Variants in SPAST observed in about 807,000 individuals in gnomAD.
The protein encoded by SPAST is spastin.
SPAST carries 30 observed loss-of-function variants against 76.6 expected under a neutral mutation model. The ratio of observed to expected loss-of-function variants is 0.39; its 90% CI spans 0.29 to 0.53. The LOEUF (loss-of-function observed/expected upper bound fraction) is 0.53, where lower values mean the gene tolerates loss of function less well. SPAST is among the 20% of genes least tolerant of loss of function. SPAST has a pLI of 0.68. For synonymous variants in SPAST, 305 were observed against 281.0 expected (o/e 1.09, Z -0.86); for missense variants, 717 against 770.5 (o/e 0.93, Z 0.82).
At chr2:32,085,513 C>T (rs1204943151) in intron 1 of SPAST, among the ~76,000 whole-genome samples, 7 of 152,070 alleles carry the variant, frequency 4.6e-5, no homozygotes, top group African/African-American at 9.7e-5. Flanking sequence ...AAACTGTGCC[C>T]AGTCTTCATA....
chr2:32,080,780 G>GTTTT (rs1336946468), intron 1 of SPAST, among the ~76,000 whole-genome samples: 1 of 94,114 alleles, frequency 1.1e-5, no homozygotes, highest in African/African-American at 4.0e-5. Context: ...GTCTGGCTCA[G>GTTTT]TTCTTTTTTT....
chr2:32,129,611 C>G (rs1679305549), intron 9 of SPAST: 1 of 152,158 alleles, frequency 6.6e-6, no homozygotes, highest in South Asian at 2.1e-4. Flanking sequence ...TCTGTCAAAC[C>G]TTACACTGCT....
chr2:32,110,379 A>C (rs925859797), intron 4 of SPAST, among the ~76,000 whole-genome samples: 1 of 149,078 alleles, frequency 6.7e-6, no homozygotes, highest in African/African-American at 2.5e-5. Flanking sequence ...CGGCCTCCCA[A>C]AGTGCTGGGA....
intron 3 of SPAST, among the ~76,000 whole-genome samples, chr2:32,090,801 A>G (rs993473933): frequency 3.3e-5 from 5 of 152,034 alleles, no homozygotes; most frequent in African/African-American, 1.2e-4. Context: ...CTTTCCTCCC[A>G]CGTTAAATGA....
intron 9 of SPAST, among the ~76,000 whole-genome samples, chr2:32,135,734 C>G (rs1242304527): frequency 1.3e-5 from 2 of 152,054 alleles, no homozygotes; most frequent in African/African-American, 4.8e-5. Flanking sequence ...AGGTGGATCA[C>G]TTGAGGTCAG....
At chr2:32,118,321 G>C (rs1020537317) in intron 7 of SPAST, among the ~76,000 whole-genome samples, 1 of 152,136 alleles carries the variant, frequency 6.6e-6, no homozygotes, top group Non-Finnish European at 1.5e-5. Flanking sequence ...TATTTTTCAA[G>C]TCTATTTTAC....
At chr2:32,075,417 C>G (rs1676911864) in intron 1 of SPAST, among the ~76,000 whole-genome samples, 1 of 96,108 alleles carries the variant, frequency 1.0e-5, no homozygotes, top group South Asian at 4.7e-4. Flanking sequence ...CAGAGCGAGA[C>G]TCTGTCTCAA....
At chr2:32,067,759 T>TTTCCTC (rs1676581002) in intron 1 of SPAST, among the ~76,000 whole-genome samples, 1 of 30,640 alleles carries the variant, frequency 3.3e-5, no homozygotes, top group Non-Finnish European at 7.7e-5. Flanking sequence ...AGTGATCCTC[T>TTTCCTC]TTTTTTTTTT....
chr2:32,072,795 C>T (rs1676804695), intron 1 of SPAST, among the ~76,000 whole-genome samples: 3 of 152,180 alleles, frequency 2.0e-5, no homozygotes. Context: ...AATTTTCTTA[C>T]ACTGCTGAAA....
At chr2:32,079,421 GA>G (rs1677107926) in intron 1 of SPAST, among the ~76,000 whole-genome samples, 2 of 151,774 alleles carry the variant, frequency 1.3e-5, no homozygotes, top group Admixed American at 1.3e-4. Context: ...TGAGGTGGGA[GA>G]ATCGCTTAAG....
At chr2:32,072,384 G>A (rs1676788656) in intron 1 of SPAST, among the ~76,000 whole-genome samples, 2 of 152,150 alleles carry the variant, frequency 1.3e-5, no homozygotes, top group African/African-American at 4.8e-5. Flanking sequence ...TATCTGACGT[G>A]ATGCTGTACT....
intron 1 of SPAST, among the ~76,000 whole-genome samples, chr2:32,080,338 A>T (rs1677169070): frequency 6.6e-6 from 1 of 151,876 alleles, no homozygotes; most frequent in Admixed American, 6.6e-5. Context: ...ACCCTGTCAC[A>T]TGGTAAGATT....
At chr2:32,128,516 T>C in intron 9 of SPAST, 37 bp downstream of exon 9, 1 of 1,325,152 alleles carries the variant, frequency 7.5e-7, no homozygotes, top group African/African-American at 1.4e-5. Flanking sequence ...GTATTTTAAG[T>C]TACTGTCTAA....
chr2:32,151,312 C>G (rs1558345895), intron 16 of SPAST, among the ~76,000 whole-genome samples: 1 of 152,026 alleles, frequency 6.6e-6, no homozygotes, highest in Non-Finnish European at 1.5e-5. Flanking sequence ...TTGATAATGA[C>G]CTTTAGCTGT....
chr2:32,076,756 C>T (rs992374734), intron 1 of SPAST, among the ~76,000 whole-genome samples: 3 of 151,848 alleles, frequency 2.0e-5, no homozygotes, highest in Non-Finnish European at 2.9e-5. Context: ...ATTCCCATTT[C>T]ATTATATGTT....
At chr2:32,095,312 T>C (rs924330874) in intron 3 of SPAST, among the ~76,000 whole-genome samples, 7 of 152,236 alleles carry the variant, frequency 4.6e-5, no homozygotes, top group Admixed American at 3.9e-4. Flanking sequence ...ATTAGAAATA[T>C]TTTGCAAGGG....
intron 9 of SPAST, chr2:32,130,496 A>C (rs1002715769): frequency 6.6e-6 from 1 of 152,204 alleles, no homozygotes; most frequent in Non-Finnish European, 1.5e-5. Context: ...AGGCTGGCAG[A>C]TCACCTGAGG....
At chr2:32,094,407 T>A (rs1394729739) in intron 3 of SPAST, among the ~76,000 whole-genome samples, 3 of 152,194 alleles carry the variant, frequency 2.0e-5, no homozygotes, top group Middle Eastern at 3.4e-3. Flanking sequence ...TGGTCTCCTC[T>A]TTGAGAAGTT....
At chr2:32,110,051 T>C (rs1678484136) in intron 4 of SPAST, among the ~76,000 whole-genome samples, 1 of 148,896 alleles carries the variant, frequency 6.7e-6, no homozygotes, top group South Asian at 2.1e-4. Flanking sequence ...AAACTATATG[T>C]ATACAGTTAT....
Sources: allele counts gnomAD v4.1 joint callset (sites outside exome capture counted in the v4.1 genomes callset), GRCh38; gene constraint gnomAD v4.1.1; transcripts MANE v1.5; gene names NCBI Gene and HGNC (gene_info 2026-07-23, HGNC 2026-07-21).